Variants in CDH13 observed in about 807,000 individuals in gnomAD.
CDH13 encodes cadherin-13.
CDH13 carries 24 observed loss-of-function variants against 63.8 expected under a neutral mutation model. The ratio of observed to expected loss-of-function variants is 0.38; its 90% CI spans 0.27 to 0.53. CDH13 has a LOEUF of 0.53. Among genes scored for constraint, CDH13 ranks in the 20% least tolerant of loss-of-function variants. CDH13 has a pLI of 0.85. For missense variants in CDH13, 1,049 were observed against 903.1 expected, an observed-to-expected ratio of 1.16 and a Z score of -2.07; for synonymous variants, 503 against 355.3, an observed-to-expected ratio of 1.42 and a Z score of -4.67.
rs190279394 is a variant in CDH13 at position 83,385,581 on chromosome 16, C to T, written c.781+40575C>T. On this transcript the variant is annotated intron_variant, in intron 6 of 13. Transcript: ENST00000567109. Reference sequence around the variant, plus strand: ...AGGGCTCCTTCATCTTGTAGTTACTCTAGAACATGGGGTCTCTATGGTCAC... The same window carrying T: ...AGGGCTCCTTCATCTTGTAGTTACTTTAGAACATGGGGTCTCTATGGTCAC... 2.0e-4 allele frequency among the ~76,000 whole-genome samples: 30 copies of T among 152,292 alleles called. No individual in the cohort carries two copies. In the East Asian group the frequency reaches 5.0e-3, roughly 25 times the overall value.
At chr16:82,772,922 G>C (rs1227992981) in intron 1 of CDH13, among the ~76,000 whole-genome samples, 2 of 152,140 alleles carry the variant, frequency 1.3e-5, no homozygotes, top group Non-Finnish European at 2.9e-5. Context: ...TGGCCATCAG[G>C]ATGACCTGGG....
In CDH13 at chr16:83,519,524, G is replaced by C. The variant is rs143355455; in HGVS notation, c.960+32869G>C. 2.4e-3 allele frequency among the ~76,000 whole-genome samples: 373 copies of C among 152,334 alleles called. 2 individuals are homozygous for C. Among genetic ancestry groups the C allele is most frequent in the African/African-American group, 8.6e-3 (358 of 41,568 alleles). ...GCAAACTAACAGAGGAAGAAAATTA[G>C]CCACTTTAACTATAATACCTTGAGT... On this transcript the variant is annotated intron_variant, in intron 7 of 13. Transcript: ENST00000567109.
At chr16:83,207,923 A>G (rs886275969) in intron 4 of CDH13, among the ~76,000 whole-genome samples, 9 of 152,210 alleles carry the variant, frequency 5.9e-5, no homozygotes, top group Admixed American at 5.2e-4. Context: ...TATAAGAAGG[A>G]AACCAGACTG....
intron 6 of CDH13, among the ~76,000 whole-genome samples, chr16:83,350,493 C>A (rs931756010): frequency 7.9e-5 from 12 of 152,344 alleles, no homozygotes; most frequent in East Asian, 3.9e-4. Flanking sequence ...GTTACGTCCT[C>A]ATTGTCTAAC....
At chr16:83,015,649 C>T (rs1199295752) in intron 2 of CDH13, among the ~76,000 whole-genome samples, 1 of 105,194 alleles carries the variant, frequency 9.5e-6, no homozygotes, top group Non-Finnish European at 1.9e-5. Flanking sequence ...CTTCAGCTTG[C>T]AGCATATATG....
chr16:83,087,190 G>A (rs6565117), intron 3 of CDH13, among the ~76,000 whole-genome samples: 77,166 of 151,966 alleles, frequency 0.51, 19,796 homozygotes, highest in Middle Eastern at 0.61. Flanking sequence ...TTTTAATTCA[G>A]TTGTTTATGC....
chr16:82,910,780 G>A (rs1465119234), intron 2 of CDH13, among the ~76,000 whole-genome samples: 4 of 152,126 alleles, frequency 2.6e-5, no homozygotes, highest in African/African-American at 9.7e-5. Context: ...GGTTTTGGAG[G>A]TGCAGATTTA....
chr16:83,767,065 G>A (rs1004340155), intron 11 of CDH13, among the ~76,000 whole-genome samples: 1 of 152,154 alleles, frequency 6.6e-6, no homozygotes, highest in African/African-American at 2.4e-5. Context: ...ATAGCAGCAT[G>A]AGAATGGACT....
At chr16:82,911,216 C>T (rs1332113233) in intron 2 of CDH13, among the ~76,000 whole-genome samples, 4 of 152,228 alleles carry the variant, frequency 2.6e-5, no homozygotes, top group South Asian at 2.1e-4. Context: ...TTGCACATCT[C>T]ATCTGGCTGT....
At chr16:82,867,196 G>A (rs2040180371) in intron 2 of CDH13, among the ~76,000 whole-genome samples, 1 of 152,192 alleles carries the variant, frequency 6.6e-6, no homozygotes, top group Non-Finnish European at 1.5e-5. Context: ...AGATCATACT[G>A]CTTATAATTG....
intron 3 of CDH13, among the ~76,000 whole-genome samples, chr16:83,118,695 C>G (rs945585545): frequency 6.6e-5 from 10 of 152,110 alleles, no homozygotes; most frequent in Non-Finnish European, 1.3e-4. Flanking sequence ...CATGCAGCTT[C>G]TCATTTCATT....
intron 5 of CDH13, among the ~76,000 whole-genome samples, chr16:83,255,779 T>C (rs1906186482): frequency 6.6e-6 from 1 of 152,190 alleles, no homozygotes; most frequent in Non-Finnish European, 1.5e-5. Flanking sequence ...TGCCTTTTCC[T>C]GATTGAGCTG....
At chr16:82,889,018 CTA>C (rs1185145793) in intron 2 of CDH13, among the ~76,000 whole-genome samples, 1 of 152,138 alleles carries the variant, frequency 6.6e-6, no homozygotes, top group Non-Finnish European at 1.5e-5. Context: ...CTTCCCTGGG[CTA>C]TAATCATTAT....
At chr16:83,244,772 C>G (rs1005857998) in intron 5 of CDH13, among the ~76,000 whole-genome samples, 1 of 152,158 alleles carries the variant, frequency 6.6e-6, no homozygotes, top group Admixed American at 6.5e-5. Flanking sequence ...ACGGGACACA[C>G]TTAATTCCCC....
At chr16:83,351,407 C>A (rs1330960046) in intron 6 of CDH13, among the ~76,000 whole-genome samples, 5 of 151,456 alleles carry the variant, frequency 3.3e-5, no homozygotes, top group African/African-American at 1.2e-4. Context: ...CCACAGTTGA[C>A]ATTTTAGTGA....
At chr16:82,992,901 A>G (rs1372611937) in intron 2 of CDH13, among the ~76,000 whole-genome samples, 1 of 152,230 alleles carries the variant, frequency 6.6e-6, no homozygotes, top group Admixed American at 6.5e-5. Flanking sequence ...GTCCTTGGCT[A>G]GAGAAGGGCT....
chr16:82,856,385 AAAAAGAAAAGAAAAG>A (rs67180729), intron 1 of CDH13, among the ~76,000 whole-genome samples: 13 of 95,268 alleles, frequency 1.4e-4, no homozygotes, highest in Non-Finnish European at 2.4e-4. Context: ...AAAAAAAAAA[AAAAAGAAAAGAAAAG>A]AAAAGAAAAG....
At chr16:83,599,537 A>C (rs1421424516) in intron 7 of CDH13, among the ~76,000 whole-genome samples, 1 of 152,222 alleles carries the variant, frequency 6.6e-6, no homozygotes, top group East Asian at 1.9e-4. Flanking sequence ...AGCAGCCAAA[A>C]TGTATATAAG....
intron 5 of CDH13, among the ~76,000 whole-genome samples, chr16:83,229,666 A>G (rs988925354): frequency 6.6e-6 from 1 of 152,130 alleles, no homozygotes; most frequent in Admixed American, 6.5e-5. Context: ...AAAAGAGATC[A>G]TTTCCGTATT....
Sources: allele counts gnomAD v4.1 joint callset (sites outside exome capture counted in the v4.1 genomes callset), GRCh38; gene constraint gnomAD v4.1.1; transcripts MANE v1.5; gene names NCBI Gene and HGNC (gene_info 2026-07-23, HGNC 2026-07-21).